MBOAT1: variants seen among roughly 807,000 people sequenced by gnomAD.
The protein encoded by MBOAT1 is membrane bound glycerophospholipid O-acyltransferase 1, also known as membrane-bound glycerophospholipid O-acyltransferase 1.
In MBOAT1, 67 loss-of-function variants were observed where a neutral mutation model predicts 64.4. The observed-to-expected ratio is 1.04, with a 90% CI of 0.85 to 1.27. The LOEUF (loss-of-function observed/expected upper bound fraction) is 1.27. Ranked by LOEUF, MBOAT1 falls within the 50% of genes most tolerant of loss-of-function variation. The pLI, the probability that MBOAT1 is intolerant of heterozygous loss-of-function variation, is 0.00. For synonymous variants in MBOAT1, 229 were observed against 218.9 expected (o/e 1.05, Z -0.41); for missense variants, 563 against 604.6 (o/e 0.93, Z 0.72).
intron 1 of MBOAT1, among the ~76,000 whole-genome samples, chr6:20,160,643 A>G (rs935399684): frequency 6.6e-6 from 1 of 151,366 alleles, no homozygotes; most frequent in Non-Finnish European, 1.5e-5. Context: ...CAATCAAGTT[A>G]AACAATTCCT....
chr6:20,129,658 C>T (rs956053348), intron 5 of MBOAT1, among the ~76,000 whole-genome samples: 2 of 151,780 alleles, frequency 1.3e-5, no homozygotes, highest in African/African-American at 4.8e-5. Context: ...ATTTAGGCAA[C>T]GAAGCTGCTT....
chr6:20,152,235 G>A (rs1353181199), intron 2 of MBOAT1, among the ~76,000 whole-genome samples: 1 of 151,972 alleles, frequency 6.6e-6, no homozygotes, highest in South Asian at 2.1e-4. Context: ...GCTGAGGCAG[G>A]AGAATCACTT....
chr6:20,113,880 C>T (rs1760245904), intron 10 of MBOAT1, among the ~76,000 whole-genome samples: 2 of 150,642 alleles, frequency 1.3e-5, no homozygotes, highest in South Asian at 4.3e-4. Context: ...AAACAGTGAA[C>T]ACCAACCCAG....
intron 5 of MBOAT1, among the ~76,000 whole-genome samples, chr6:20,130,043 A>G (rs2113658061): frequency 6.6e-6 from 1 of 152,316 alleles, no homozygotes; most frequent in South Asian, 2.1e-4. Context: ...TCAGTTCACA[A>G]GCTTTAAGGA....
At chr6:20,146,887 C>T (rs1761339956) in intron 3 of MBOAT1, among the ~76,000 whole-genome samples, 1 of 152,210 alleles carries the variant, frequency 6.6e-6, no homozygotes, top group Non-Finnish European at 1.5e-5. Flanking sequence ...ATTCTACAGA[C>T]TGACTGATAC....
In MBOAT1 at chr6:20,128,705, G is replaced by A; in HGVS notation, c.524C>T (p.Ala175Val). 6.2e-7 allele frequency: 1 copy of A among 1,608,948 alleles called. No homozygotes were observed. The highest frequency in any genetic ancestry group is 8.5e-7 in the Non-Finnish European group (1 of 1,177,944). Residue 175 changes from alanine (A) to valine (V), a missense_variant, in exon 6 of 13, where the codon GCT becomes GTT. Physicochemically the swap from Ala to Val is moderately conservative, Grantham distance 64 (BLOSUM62 0). Coordinates refer to ENST00000324607, the MANE Select transcript of MBOAT1 (RefSeq NM_001080480.3). ...EDLSAEQHRL[A>V]IKVKPSFLEY... is the part of the protein sequence containing the mutation. ...ATCGTTACACTTCACTTACTTGATA[G>A]CAAGTCGATGTTGTTCAGCAGAAAG...
At chr6:20,127,054 A>G (rs990814528) in intron 6 of MBOAT1, among the ~76,000 whole-genome samples, 19 of 152,272 alleles carry the variant, frequency 1.2e-4, no homozygotes, top group African/African-American at 4.6e-4. Flanking sequence ...AGCAGGGCGG[A>G]ACCTGACCTA....
Position 20,101,734 on chromosome 6 carries a change from A to G in MBOAT1, c.*552T>C, listed in dbSNP as rs1759792409. On this transcript the variant is annotated 3_prime_UTR_variant, in exon 13 of 13. Coordinates refer to ENST00000324607, the MANE Select transcript of MBOAT1 (RefSeq NM_001080480.3). ...TCTCTGCAGCTCTGGCACATTCTCT[A>G]CACATCGCCACACCACTCAAATGTC... 6.6e-6 allele frequency among the ~76,000 whole-genome samples: 1 copy of G among 152,190 alleles called. No homozygotes were observed. The highest frequency in any genetic ancestry group is 2.1e-4 in the South Asian group (1 of 4,830).
chr6:20,211,691 C>G (rs74996729), intron 1 of MBOAT1, among the ~76,000 whole-genome samples: 7,022 of 152,044 alleles, frequency 0.046, 512 homozygotes, highest in African/African-American at 0.15. Flanking sequence ...AGTCTAAAAC[C>G]CAGGTCCTGC....
At position 20,135,396 on chromosome 6, in the gene MBOAT1, A is replaced by T. The variant is rs560155639; in HGVS notation, c.420-4197T>A. Among the ~76,000 whole-genome samples the T allele has an allele frequency of 2.0e-5, 3 of 152,188 alleles. No individual in the cohort carries two copies. In the South Asian group the frequency reaches 6.2e-4, roughly 31 times the overall value. On this transcript the variant is annotated intron_variant, in intron 4 of 12. Coordinates refer to ENST00000324607, the MANE Select transcript of MBOAT1 (RefSeq NM_001080480.3). ...CAGCACCCCCCATTATTGCCTTCTG[A>T]TACAGACTCTAGGCAATTCATCAGA...
chr6:20,103,764 G>T (rs1759872525), intron 12 of MBOAT1, among the ~76,000 whole-genome samples: 1 of 152,186 alleles, frequency 6.6e-6, no homozygotes, highest in Non-Finnish European at 1.5e-5. Flanking sequence ...TATTATGAAA[G>T]AGTCCGTTTT....
At chr6:20,126,473 A>G in intron 7 of MBOAT1, 44 bp downstream of exon 7, 1 of 1,520,980 alleles carries the variant, frequency 6.6e-7, no homozygotes, top group Admixed American at 2.2e-5. Flanking sequence ...AGAGAGAGTC[A>G]ACCCTGGCAG....
chr6:20,107,174 G>C (rs899024650), intron 12 of MBOAT1, among the ~76,000 whole-genome samples: 3 of 152,064 alleles, frequency 2.0e-5, no homozygotes, highest in Admixed American at 6.6e-5. Context: ...ACCCTCTCTT[G>C]AGTCTCCACT....
At chr6:20,147,026 TAGTG>T (rs1245882066) in intron 3 of MBOAT1, among the ~76,000 whole-genome samples, 1 of 152,216 alleles carries the variant, frequency 6.6e-6, no homozygotes, top group African/African-American at 2.4e-5. Flanking sequence ...GTTCTCGTGA[TAGTG>T]AGTAAGTCCC....
At chr6:20,130,151 G>A (rs1318588573) in intron 5 of MBOAT1, among the ~76,000 whole-genome samples, 2 of 152,106 alleles carry the variant, frequency 1.3e-5, no homozygotes, top group Admixed American at 1.3e-4. Context: ...CAAATCCACA[G>A]AATATACTTT....
chr6:20,120,904 A>G (rs76234686), intron 8 of MBOAT1, among the ~76,000 whole-genome samples: 1 of 152,080 alleles, frequency 6.6e-6, no homozygotes, highest in East Asian at 1.9e-4. Context: ...ACAGGCTCTA[A>G]GTTCACCAGT....
chr6:20,158,326 A>G (rs963555110), intron 1 of MBOAT1, among the ~76,000 whole-genome samples: 1 of 152,212 alleles, frequency 6.6e-6, no homozygotes, highest in African/African-American at 2.4e-5. Context: ...CAATGTGAAG[A>G]GGATAGTCTT....
chr6:20,131,100 G>A (rs1760813989), intron 5 of MBOAT1, 44 bp downstream of exon 5: 1 of 1,535,710 alleles, frequency 6.5e-7, no homozygotes, highest in African/African-American at 1.4e-5. Context: ...AGCTCTGCAT[G>A]TCAGGCTCAC....
At chr6:20,182,108 T>C (rs111567744) in intron 1 of MBOAT1, among the ~76,000 whole-genome samples, 53 of 152,330 alleles carry the variant, frequency 3.5e-4, no homozygotes, top group African/African-American at 1.2e-3. Context: ...ATCTGAGTAA[T>C]GCATGGAAAG....
Sources: allele counts gnomAD v4.1 joint callset (sites outside exome capture counted in the v4.1 genomes callset), GRCh38; gene constraint gnomAD v4.1.1; transcripts MANE v1.5; gene names NCBI Gene and HGNC (gene_info 2026-07-23, HGNC 2026-07-21).